The following NECTIN3 variants were observed in gnomAD, a reference collection of about 807,000 sequenced individuals.
NECTIN3 encodes the protein nectin-3.
NECTIN3 carries 8 observed loss-of-function variants against 49.4 expected under a neutral mutation model. The ratio of observed to expected loss-of-function variants is 0.16; its 90% CI spans 0.10 to 0.29. The LOEUF (loss-of-function observed/expected upper bound fraction) is 0.29. Among genes scored for constraint, NECTIN3 ranks in the 10% least tolerant of loss-of-function variants. The probability of loss-of-function intolerance (pLI) is 1.00; values close to 1 mark genes in which losing one functional copy is unlikely to be tolerated. For synonymous variants in NECTIN3, 277 were observed against 241.1 expected (o/e 1.15, Z -1.38); for missense variants, 581 against 654.6 (o/e 0.89, Z 1.23).
intron 6 of NECTIN3, among the ~76,000 whole-genome samples, chr3:111,146,482 C>T (rs2034880047): frequency 6.6e-6 from 1 of 151,638 alleles, no homozygotes; most frequent in South Asian, 2.1e-4. Flanking sequence ...AACTTAATTC[C>T]CAGATTATCT....
At chr3:111,078,445 T>C (rs1333453694) in intron 1 of NECTIN3, among the ~76,000 whole-genome samples, 1 of 152,172 alleles carries the variant, frequency 6.6e-6, no homozygotes, top group Non-Finnish European at 1.5e-5. Context: ...GAAGAAAAAG[T>C]ACCATGTTTT....
intron 7 of NECTIN3, among the ~76,000 whole-genome samples, chr3:111,168,001 G>T (rs1365380038): frequency 1.3e-5 from 2 of 152,004 alleles, no homozygotes; most frequent in African/African-American, 4.8e-5. Flanking sequence ...TATTTGTGTT[G>T]TGCTTAACCA....
rs2034584307 is a variant in NECTIN3 at position 111,136,612 on chromosome 3, G to T, written c.*2397G>T. ...ATTAAATAAAGACATTGTTAAATTA[G>T]TTTTTGAATACCAGTGATATTCATA... On this transcript the variant is annotated 3_prime_UTR_variant, in exon 6 of 6. Coordinates refer to ENST00000485303, the MANE Select transcript of NECTIN3 (RefSeq NM_015480.3). 1.1e-6 allele frequency: 1 copy of T among 920,536 alleles called. No individual in the cohort carries two copies. The highest frequency in any genetic ancestry group is 1.8e-5 in the African/African-American group (1 of 55,644). The allele number at this position is 920,536 out of a possible 1,614,324, so 57.0% of individuals were successfully genotyped here. A position where few individuals can be genotyped will look rare whatever the true frequency, so the allele number is the denominator to read the frequency against.
chr3:111,118,252 A>ATATG (rs1553723395), intron 2 of NECTIN3, among the ~76,000 whole-genome samples: 1 of 111,980 alleles, frequency 8.9e-6, no homozygotes, highest in African/African-American at 3.4e-5. Flanking sequence ...ATGAAGCTAT[A>ATATG]TATATATATA....
chr3:111,188,002 T>G (rs1388038919), upstream of NECTIN3, among the ~76,000 whole-genome samples: 1 of 152,222 alleles, frequency 6.6e-6, no homozygotes, highest in Non-Finnish European at 1.5e-5. Flanking sequence ...TGCAAGTATG[T>G]TCATAGTTGT....
chr3:111,189,964 C>A (rs747723349), upstream of NECTIN3, among the ~76,000 whole-genome samples: 1 of 152,140 alleles, frequency 6.6e-6, no homozygotes, highest in Non-Finnish European at 1.5e-5. Context: ...CCAGGTAGGA[C>A]CTGGGGCAGC....
chr3:111,184,998 C>T (rs1164327841), intron 7 of NECTIN3, among the ~76,000 whole-genome samples: 2 of 152,232 alleles, frequency 1.3e-5, no homozygotes, highest in Non-Finnish European at 2.9e-5. Context: ...ATAAGTATCA[C>T]TCAATTCTAA....
At chr3:111,171,996 A>G (rs1477804875) in intron 7 of NECTIN3, among the ~76,000 whole-genome samples, 2 of 152,232 alleles carry the variant, frequency 1.3e-5, no homozygotes, top group Non-Finnish European at 2.9e-5. Flanking sequence ...AGATTCAACT[A>G]AAATGATATC....
Position 111,137,230 on chromosome 3 carries a change from A to G in NECTIN3, c.*3015A>G, listed in dbSNP as rs2034611309. ...TTATGTATGAAAGTAATCAATGTAA[A>G]ATATAAGAAAGGAATAAATGGTACC... is the stretch of plus-strand genomic sequence containing the variant. On this transcript the variant is annotated 3_prime_UTR_variant, in exon 6 of 6. Transcript: ENST00000485303. 1 of 933,456 alleles carries G rather than the reference A, an allele frequency of 1.1e-6. No individual in the cohort carries two copies. Among genetic ancestry groups the G allele is most frequent in the Non-Finnish European group, 1.3e-6 (1 of 782,972 alleles). The allele number at this position is 933,456 out of a possible 1,614,324, so 57.8% of individuals were successfully genotyped here.
In NECTIN3 at chr3:111,071,839, C is replaced by CGGCGGT. The variant is rs1274938098; in HGVS notation, c.-177_-172dup. ...TCAGCCTCGGCAGTGGCGTCGGCGACGGCGGTGTCGAGGCAGCCGCCAGCG... is the reference window on the plus strand; with the variant it reads ...TCAGCCTCGGCAGTGGCGTCGGCGACGGCGGTGGCGGTGTCGAGGCAGCCGCCAGCG... On this transcript the variant is annotated 5_prime_UTR_variant, in exon 1 of 6. Transcript: ENST00000485303. 2 of 392,060 alleles carry CGGCGGT rather than the reference C, an allele frequency of 5.1e-6. No homozygotes were observed. Among genetic ancestry groups the CGGCGGT allele is most frequent in the Non-Finnish European group, 8.8e-6 (2 of 228,428 alleles). 24.3% of individuals were successfully genotyped at this position (392,060 alleles called of 1,614,324 possible).
At chr3:111,162,144 G>A (rs889419162) in intron 7 of NECTIN3, among the ~76,000 whole-genome samples, 3 of 151,922 alleles carry the variant, frequency 2.0e-5, no homozygotes, top group Admixed American at 2.0e-4. Flanking sequence ...TGGGGGGTGG[G>A]TCACGCTTTG....
intron 2 of NECTIN3, 152 bp from the exon 3 acceptor site, chr3:111,118,504 A>G (rs1411132892): frequency 3.0e-6 from 2 of 657,188 alleles, no homozygotes; most frequent in African/African-American, 3.7e-5. Flanking sequence ...TTTTCCAAGA[A>G]TGTAATTGAC....
In NECTIN3 at chr3:111,107,099, T is replaced by A. The variant is rs2033214779; in HGVS notation, c.161-4931T>A. ...TTTCAAACACTTTTAGTGTGTGTGA[T>A]CTGTAATATGGATCTCCCTTCATTT... On this transcript the variant is annotated intron_variant, in intron 1 of 5. Coordinates refer to ENST00000485303, the MANE Select transcript of NECTIN3 (RefSeq NM_015480.3). 2.6e-5 allele frequency among the ~76,000 whole-genome samples: 4 copies of A among 152,148 alleles called. No individual in the cohort carries two copies. The South Asian group carries it at 8.3e-4, about 31-fold the overall frequency.
chr3:111,103,793 T>G (rs1439794905), intron 1 of NECTIN3, among the ~76,000 whole-genome samples: 2 of 152,162 alleles, frequency 1.3e-5, no homozygotes, highest in Non-Finnish European at 2.9e-5. Context: ...TGTTTTGTTT[T>G]GTAGATGTTC....
intron 1 of NECTIN3, among the ~76,000 whole-genome samples, chr3:111,088,282 A>G (rs2032050594): frequency 6.6e-6 from 1 of 152,160 alleles, no homozygotes; most frequent in Non-Finnish European, 1.5e-5. Context: ...ATCTCTGTAC[A>G]ACCCAGCTGT....
chr3:111,128,539 A>T (rs2034261093), intron 5 of NECTIN3, among the ~76,000 whole-genome samples: 1 of 152,070 alleles, frequency 6.6e-6, no homozygotes, highest in African/African-American at 2.4e-5. Flanking sequence ...TTCAAAACCA[A>T]GGTCTTGATC....
chr3:111,113,493 G>A (rs898054882), intron 2 of NECTIN3, among the ~76,000 whole-genome samples: 10 of 152,064 alleles, frequency 6.6e-5, no homozygotes, highest in African/African-American at 2.4e-4. Flanking sequence ...CAGCAATTTT[G>A]TCCAAATTTA....
chr3:111,193,143 G>A, intron 1 of NECTIN3: 1 of 1,433,436 alleles, frequency 7.0e-7, no homozygotes. Context: ...GTTTTTACCA[G>A]TGCTAGAAAA....
chr3:111,116,715 G>A (rs376601117), intron 2 of NECTIN3, among the ~76,000 whole-genome samples: 5 of 152,136 alleles, frequency 3.3e-5, no homozygotes, highest in East Asian at 1.9e-4. Context: ...CAGAAGAAAG[G>A]TTCCAAATGA....
Sources: allele counts gnomAD v4.1 joint callset (sites outside exome capture counted in the v4.1 genomes callset), GRCh38; gene constraint gnomAD v4.1.1; transcripts MANE v1.5; gene names NCBI Gene and HGNC (gene_info 2026-07-23, HGNC 2026-07-21).